The following SYT9 variants were observed in gnomAD, a reference collection of about 807,000 sequenced individuals.
The protein encoded by SYT9 is synaptotagmin-9.
In SYT9, 22 loss-of-function variants were observed where a neutral mutation model predicts 48.4. The ratio of observed to expected loss-of-function variants is 0.45; its 90% CI spans 0.32 to 0.65. SYT9 has a LOEUF of 0.65. Ranked by LOEUF, SYT9 falls within the 30% of genes least tolerant of loss-of-function variation. SYT9 has a pLI of 0.03. For synonymous variants in SYT9, 265 were observed against 245.0 expected, an observed-to-expected ratio of 1.08 and a Z score of -0.76; for missense variants, 577 against 622.0, an observed-to-expected ratio of 0.93 and a Z score of 0.77.
intron 6 of SYT9, chr11:7,461,289 C>T (rs756732319): frequency 1.3e-5 from 2 of 152,032 alleles, no homozygotes; most frequent in Non-Finnish European, 2.9e-5. Context: ...TTCTGTGTTC[C>T]TTCTCTTCAT....
upstream of SYT9, among the ~76,000 whole-genome samples, chr11:7,251,607 A>G (rs1305188811): frequency 6.6e-6 from 1 of 152,160 alleles, no homozygotes; most frequent in Non-Finnish European, 1.5e-5. Flanking sequence ...CGCACTAGGC[A>G]TCCAAGAACG....
chr11:7,323,400 A>C (rs1370536634), intron 3 of SYT9, among the ~76,000 whole-genome samples: 2 of 152,136 alleles, frequency 1.3e-5, no homozygotes, highest in Non-Finnish European at 2.9e-5. Flanking sequence ...CTATGCATGA[A>C]TAAGGACAAT....
chr11:7,431,047 A>G lies in SYT9; in HGVS notation c.1467+10412A>G, dbSNP rs143089469. Among the ~76,000 whole-genome samples the G allele has an allele frequency of 5.6e-3, 847 of 152,366 alleles. 11 individuals are homozygous for G. Among genetic ancestry groups the G allele is most frequent in the African/African-American group, 0.019 (793 of 41,594 alleles). The stretch of plus-strand genomic sequence containing the variant: ...AAGGTTGGAAGAGTTTGGAGGGCTT[A>G]CAAGAAGACAGAAAGATGAGAGAAA... On this transcript the variant is annotated intron_variant, in intron 6 of 6. Coordinates refer to ENST00000318881, the MANE Select transcript of SYT9 (RefSeq NM_175733.4).
intron 6 of SYT9, among the ~76,000 whole-genome samples, chr11:7,421,147 C>G (rs2134105292): frequency 6.6e-6 from 1 of 152,284 alleles, no homozygotes; most frequent in South Asian, 2.1e-4. Context: ...ATTTCTCTCT[C>G]TTATATACAA....
intron 6 of SYT9, among the ~76,000 whole-genome samples, chr11:7,424,692 A>C (rs544471655): frequency 1.4e-4 from 21 of 152,368 alleles, no homozygotes; most frequent in African/African-American, 4.3e-4. Context: ...TATATAGTCA[A>C]GATCAGCACT....
chr11:7,284,841 A>G (rs1215704683), intron 1 of SYT9, among the ~76,000 whole-genome samples: 1 of 151,942 alleles, frequency 6.6e-6, no homozygotes, highest in South Asian at 2.1e-4. Context: ...TTATTGCTTT[A>G]TCTCTCTTTG....
At chr11:7,320,412 G>T (rs1172920158) in intron 3 of SYT9, among the ~76,000 whole-genome samples, 1 of 152,108 alleles carries the variant, frequency 6.6e-6, no homozygotes, top group Non-Finnish European at 1.5e-5. Flanking sequence ...TTGTTTCCAT[G>T]ACACTCTGTA....
At position 7,367,072 on chromosome 11, in the gene SYT9, C is replaced by CTTTTTTTTTT. The variant is rs35502843; in HGVS notation, c.1045-48953_1045-48944dup. Among the ~76,000 whole-genome samples the CTTTTTTTTTT allele has an allele frequency of 7.5e-3, 398 of 53,260 alleles. 64 individuals are homozygous for CTTTTTTTTTT. The highest frequency in any genetic ancestry group is 0.013 in the Middle Eastern group (1 of 78). The allele number at this position is 53,260 out of a possible 152,430, so 34.9% of individuals were successfully genotyped here. ...ATTACCCTTCTTTCCAGGAGACCAT[C>CTTTTTTTTTT]TTTTTTTTTTTTTTTTTTTTTTTTT... On this transcript the variant is annotated intron_variant, in intron 3 of 6. Transcript: ENST00000318881.
chr11:7,280,821 G>A (rs967799857), intron 1 of SYT9, among the ~76,000 whole-genome samples: 6 of 152,206 alleles, frequency 3.9e-5, no homozygotes, highest in Admixed American at 3.3e-4. Context: ...TACTAGAGAT[G>A]TAAGTAACAC....
chr11:7,288,289 T>TA (rs9300083), intron 1 of SYT9, among the ~76,000 whole-genome samples: 25,759 of 148,754 alleles, frequency 0.17, 2,862 homozygotes, highest in African/African-American at 0.32. Context: ...TATGTATTTG[T>TA]AAAAAAAAAA....
intron 3 of SYT9, among the ~76,000 whole-genome samples, chr11:7,358,154 G>A (rs1486275502): frequency 1.7e-4 from 26 of 152,106 alleles, no homozygotes; most frequent in Admixed American, 1.4e-3. Context: ...GTTAAAGAAC[G>A]ACGAATACTG....
At position 7,367,244 on chromosome 11, in the gene SYT9, G is replaced by A. The variant is rs11041334; in HGVS notation, c.1045-48798G>A. Among the ~76,000 whole-genome samples the A allele has an allele frequency of 2.6e-4, 17 of 65,682 alleles. No individual in the cohort carries two copies. In the East Asian group the frequency reaches 9.9e-3, roughly 38 times the overall value. The allele number at this position is 65,682 out of a possible 152,430, so 43.1% of individuals were successfully genotyped here. ...CTACAGGCGCCCGCCACTACGCCCG[G>A]CTAATTTTTTTTTTTTTTTTTGGTA... On this transcript the variant is annotated intron_variant, in intron 3 of 6. Transcript: ENST00000318881.
rs756079021 is a variant in SYT9 at position 7,303,322 on chromosome 11, G to T, written c.429G>T (p.Gly143=). Residue 143 remains glycine, a synonymous_variant, in exon 2 of 7, where the codon GGG becomes GGT. Coordinates refer to ENST00000318881, the MANE Select transcript of SYT9 (RefSeq NM_175733.4). The part of the protein sequence containing the change: ...SPDIPLSTQT[G]IQENCAHGVR... ...ACATTCCCCTCTCCACCCAGACGGG[G>T]ATCCAGGAGAACTGTGCCCATGGCG... is the stretch of plus-strand genomic sequence containing the variant. 2 of 1,613,768 alleles carry T rather than the reference G, an allele frequency of 1.2e-6. No homozygotes were observed. The highest frequency in any genetic ancestry group is 1.6e-4 in the Middle Eastern group (1 of 6,062).
intron 3 of SYT9, among the ~76,000 whole-genome samples, chr11:7,379,780 G>T (rs1850526948): frequency 1.3e-5 from 2 of 151,932 alleles, no homozygotes; most frequent in Admixed American, 1.3e-4. Context: ...CATCCAAAAG[G>T]CAGGCAATAA....
intron 3 of SYT9, among the ~76,000 whole-genome samples, chr11:7,397,356 C>T (rs1169943158): frequency 6.6e-6 from 1 of 152,068 alleles, no homozygotes; most frequent in East Asian, 1.9e-4. Flanking sequence ...TAGGTATAGC[C>T]TCTTCATTTT....
chr11:7,350,510 A>G (rs761167725), intron 3 of SYT9, among the ~76,000 whole-genome samples: 4 of 152,230 alleles, frequency 2.6e-5, no homozygotes, highest in Non-Finnish European at 4.4e-5. Flanking sequence ...TCTGTCCTGC[A>G]GGCCACAAGT....
chr11:7,386,103 A>T (rs563339845), intron 3 of SYT9, among the ~76,000 whole-genome samples: 7 of 152,214 alleles, frequency 4.6e-5, no homozygotes, highest in South Asian at 2.1e-4. Context: ...ATTACAAGGT[A>T]TTTCATATTT....
intron 1 of SYT9, among the ~76,000 whole-genome samples, chr11:7,239,068 G>T (rs912898726): frequency 1.6e-4 from 24 of 152,098 alleles, no homozygotes; most frequent in Admixed American, 2.0e-4. Context: ...ACCCAAGCCT[G>T]ATTTACTCCA....
At chr11:7,355,553 G>A (rs917776827) in intron 3 of SYT9, among the ~76,000 whole-genome samples, 1 of 152,142 alleles carries the variant, frequency 6.6e-6, no homozygotes, top group African/African-American at 2.4e-5. Flanking sequence ...TGTGATGCAG[G>A]TTACCCCACC....
Sources: gnomAD v4.1 joint callset for allele counts (sites outside exome capture counted in the v4.1 genomes callset) on GRCh38, gnomAD v4.1.1 for gene constraint, MANE v1.5 for transcripts, NCBI Gene and HGNC (gene_info 2026-07-23, HGNC 2026-07-21) for gene names.